CSMD3: variants seen among roughly 807,000 people sequenced by gnomAD.
The protein encoded by CSMD3 is CUB and Sushi multiple domains 3.
In CSMD3, 177 loss-of-function variants were observed where a neutral mutation model predicts 435.2. That is an observed-to-expected ratio of 0.41 (90% CI 0.36 to 0.46). The LOEUF (loss-of-function observed/expected upper bound fraction) is 0.46. CSMD3 is among the 20% of genes least tolerant of loss of function. CSMD3 has a pLI of 0.34. For missense variants in CSMD3, 4,265 were observed against 4,504.6 expected (o/e 0.95, Z 1.52); for synonymous variants, 1,656 against 1,520.5 (o/e 1.09, Z -2.07).
chr8:112,440,411 G>A (rs1814867815), intron 32 of CSMD3, among the ~76,000 whole-genome samples: 1 of 150,906 alleles, frequency 6.6e-6, no homozygotes, highest in South Asian at 2.1e-4. Context: ...TCATGACTTG[G>A]TGTTGAGTGT....
At chr8:113,068,339 T>A (rs941027791) in intron 5 of CSMD3, among the ~76,000 whole-genome samples, 9 of 152,216 alleles carry the variant, frequency 5.9e-5, no homozygotes, top group East Asian at 5.8e-4. Context: ...TAACCTTATA[T>A]TCCAATGAGA....
intron 32 of CSMD3, among the ~76,000 whole-genome samples, chr8:112,458,362 C>T (rs1817079055): frequency 6.6e-6 from 1 of 152,012 alleles, no homozygotes; most frequent in Non-Finnish European, 1.5e-5. Flanking sequence ...TGTCCTCTCA[C>T]CCAGATATGT....
At chr8:113,345,347 A>C (rs986563113) in intron 1 of CSMD3, among the ~76,000 whole-genome samples, 1 of 152,156 alleles carries the variant, frequency 6.6e-6, no homozygotes, top group African/African-American at 2.4e-5. Flanking sequence ...TATCTATGGA[A>C]CTGCCTTATT....
Position 112,306,043 on chromosome 8 carries a change from T to A in CSMD3, c.8035A>T (p.Thr2679Ser), listed in dbSNP as rs1821389809. The A allele has an allele frequency of 6.2e-7, 1 of 1,613,914 alleles. No homozygotes were observed. The highest frequency in any genetic ancestry group is 8.5e-7 in the Non-Finnish European group (1 of 1,179,856). ...GGGGTCTTGTTATGATTGCTCCATG[T>A]TCCATCTGATTGGCATACAGCTGTA... ...LTTAVCQSDG[T>S]WSNHNKTPRC... Residue 2679 changes from threonine to serine, a missense_variant, in exon 51 of 71, where the codon ACA (threonine) becomes TCA (serine). Coordinates refer to ENST00000297405, the MANE Select transcript of CSMD3 (RefSeq NM_198123.2).
At chr8:113,099,774 A>T (rs1043914876) in intron 4 of CSMD3, among the ~76,000 whole-genome samples, 2 of 152,082 alleles carry the variant, frequency 1.3e-5, no homozygotes, top group African/African-American at 4.8e-5. Context: ...GTATGCAAAC[A>T]TAAGAAAAAG....
chr8:112,801,123 G>A (rs532066790), intron 12 of CSMD3, among the ~76,000 whole-genome samples: 19 of 152,088 alleles, frequency 1.2e-4, no homozygotes, highest in African/African-American at 3.4e-4. Context: ...AGAAAGACAG[G>A]TTTCCAAAGG....
At chr8:113,014,157 C>T (rs138001941) in intron 6 of CSMD3, among the ~76,000 whole-genome samples, 1,714 of 152,222 alleles carry the variant, frequency 0.011, 17 homozygotes, top group Non-Finnish European at 0.018. Flanking sequence ...GGTTTCTAAC[C>T]TGTTAGTCAC....
At chr8:113,250,920 T>C (rs1447525314) in intron 3 of CSMD3, among the ~76,000 whole-genome samples, 1 of 151,824 alleles carries the variant, frequency 6.6e-6, no homozygotes, top group Non-Finnish European at 1.5e-5. Flanking sequence ...ATTCAAAAAA[T>C]AAATAAAGTG....
intron 32 of CSMD3, among the ~76,000 whole-genome samples, chr8:112,424,337 T>C (rs1267248736): frequency 6.6e-6 from 1 of 152,156 alleles, no homozygotes; most frequent in Non-Finnish European, 1.5e-5. Flanking sequence ...TCTAAACAAA[T>C]ATTTAAAAAT....
At chr8:112,547,185 TTA>T (rs1827256358) in intron 27 of CSMD3, among the ~76,000 whole-genome samples, 1 of 152,142 alleles carries the variant, frequency 6.6e-6, no homozygotes, top group African/African-American at 2.4e-5. Flanking sequence ...AGCTTAATTT[TTA>T]TTAGCACTTG....
At chr8:113,006,270 C>G (rs1244739589) in intron 6 of CSMD3, among the ~76,000 whole-genome samples, 2 of 151,902 alleles carry the variant, frequency 1.3e-5, no homozygotes, top group Non-Finnish European at 2.9e-5. Flanking sequence ...GAAGATTTGT[C>G]TCTATATGTA....
At chr8:113,099,747 A>C (rs2090276060) in intron 4 of CSMD3, among the ~76,000 whole-genome samples, 1 of 152,074 alleles carries the variant, frequency 6.6e-6, no homozygotes. Context: ...GCGTGGTTAT[A>C]TGAGTAGCTG....
In CSMD3 at chr8:113,381,030, C is replaced by T. The variant is rs150369430; in HGVS notation, c.178+55647G>A. Among the ~76,000 whole-genome samples, 683 of 152,270 alleles carry T rather than the reference C, an allele frequency of 4.5e-3. 6 individuals are homozygous for T. The highest frequency in any genetic ancestry group is 7.7e-3 in the Non-Finnish European group (523 of 68,014). Reference sequence around the variant, plus strand: ...TTCAGCTAGGAATAGATCCAAATCCCGTCTCCATATATAAATGCCAAGCTC... The same window carrying T: ...TTCAGCTAGGAATAGATCCAAATCCTGTCTCCATATATAAATGCCAAGCTC... On this transcript the variant is annotated intron_variant, in intron 1 of 70. Transcript: ENST00000297405.
chr8:112,379,170 A>T (rs1165642734), intron 38 of CSMD3, among the ~76,000 whole-genome samples: 1 of 152,226 alleles, frequency 6.6e-6, no homozygotes, highest in Admixed American at 6.5e-5. Context: ...CTTGCACTCT[A>T]AAAACTACAA....
chr8:113,013,890 A>T (rs1428953656), intron 6 of CSMD3, among the ~76,000 whole-genome samples: 1 of 152,152 alleles, frequency 6.6e-6, no homozygotes, highest in African/African-American at 2.4e-5. Flanking sequence ...GAAGGTACTT[A>T]AAAATATTCA....
At chr8:113,224,092 T>G (rs191460588) in intron 3 of CSMD3, among the ~76,000 whole-genome samples, 1 of 150,994 alleles carries the variant, frequency 6.6e-6, no homozygotes, top group East Asian at 2.0e-4. Flanking sequence ...ATTTCACACC[T>G]TCAAAGACCT....
At chr8:112,986,551 T>G (rs1046946100) in intron 6 of CSMD3, among the ~76,000 whole-genome samples, 4 of 152,226 alleles carry the variant, frequency 2.6e-5, no homozygotes, top group African/African-American at 9.6e-5. Context: ...TATTTAAGTC[T>G]TCAACCATTT....
At chr8:113,297,558 G>C (rs2093731920) in intron 2 of CSMD3, among the ~76,000 whole-genome samples, 1 of 151,902 alleles carries the variant, frequency 6.6e-6, no homozygotes, top group East Asian at 1.9e-4. Flanking sequence ...ATCTAAAAAT[G>C]CTATTTTATT....
intron 3 of CSMD3, among the ~76,000 whole-genome samples, chr8:113,267,747 C>A (rs1441607090): frequency 1.3e-5 from 2 of 151,606 alleles, no homozygotes; most frequent in Non-Finnish European, 3.0e-5. Context: ...CCCTAAATAT[C>A]TGACTCAATC....
Sources: allele counts gnomAD v4.1 joint callset (sites outside exome capture counted in the v4.1 genomes callset), GRCh38; gene constraint gnomAD v4.1.1; transcripts MANE v1.5; gene names NCBI Gene and HGNC (gene_info 2026-07-23, HGNC 2026-07-21).